The following MCPH1 variants were observed in gnomAD, a reference collection of about 807,000 sequenced individuals.
MCPH1 encodes the protein microcephalin.
Under a neutral mutation model 84.5 loss-of-function variants are expected in MCPH1, and 104 were observed. The observed-to-expected ratio is 1.23, with a 90% confidence interval of 1.05 to 1.45. MCPH1 has a LOEUF of 1.45. MCPH1 is among the 40% of genes most tolerant of loss of function. The probability of loss-of-function intolerance (pLI) is 0.00; values close to 1 mark genes in which losing one functional copy is unlikely to be tolerated. For missense variants in MCPH1, 1,498 were observed against 1,005.7 expected, an observed-to-expected ratio of 1.49 and a Z score of -6.62; for synonymous variants, 514 against 366.8, an observed-to-expected ratio of 1.40 and a Z score of -4.58.
chr8:6,585,850 A>G (rs1350154151), intron 12 of MCPH1, among the ~76,000 whole-genome samples: 1 of 152,186 alleles, frequency 6.6e-6, no homozygotes, highest in East Asian at 1.9e-4. Context: ...ATTGCACGGA[A>G]GCTGGCCAAC....
Position 6,551,560 on chromosome 8 carries a change from T to G in MCPH1, c.2214+51631T>G, listed in dbSNP as rs577363120. On this transcript the variant is annotated intron_variant, in intron 12 of 13. Coordinates refer to ENST00000344683, the MANE Select transcript of MCPH1 (RefSeq NM_024596.5). The stretch of plus-strand genomic sequence containing the variant: ...GGCTGGTGTTCTGATTAGTCTTAAT[T>G]TTTTTTAACTCATAACATTTTTGTC... 5.9e-5 allele frequency among the ~76,000 whole-genome samples: 9 copies of G among 152,276 alleles called. No individual in the cohort carries two copies. In the South Asian group the frequency reaches 1.9e-3, roughly 32 times the overall value.
intron 11 of MCPH1, chr8:6,494,224 C>T (rs189362617): frequency 4.7e-4 from 71 of 152,338 alleles, no homozygotes; most frequent in African/African-American, 1.5e-3. Context: ...CAGATGTGAG[C>T]CACTGCATCC....
At chr8:6,479,125 A>T (rs1409352134) in intron 10 of MCPH1, among the ~76,000 whole-genome samples, 1 of 152,134 alleles carries the variant, frequency 6.6e-6, no homozygotes, top group African/African-American at 2.4e-5. Flanking sequence ...AGTTAGCCAG[A>T]CTTGGTGGTG....
chr8:6,501,553 C>CTTTTTTTT (rs761570329), intron 12 of MCPH1: 3 of 128,048 alleles, frequency 2.3e-5, no homozygotes, highest in Non-Finnish European at 3.4e-5. Flanking sequence ...TCTTTTCTTT[C>CTTTTTTTT]TTTTTTTTTT....
At chr8:6,589,956 G>A (rs373899435) in intron 12 of MCPH1, among the ~76,000 whole-genome samples, 2 of 152,182 alleles carry the variant, frequency 1.3e-5, no homozygotes, top group Admixed American at 6.5e-5. Context: ...TTACTCTAAA[G>A]TATCTAAAAG....
Position 6,429,010 on chromosome 8 carries a change from C to T in MCPH1, c.234-2489C>T, listed in dbSNP as rs139592879. On this transcript the variant is annotated intron_variant, in intron 3 of 13. Transcript: ENST00000344683. ...GGAAGTGAGAATTTCGTTTTTAATC[C>T]GCCCCTCTGAGTGCACCTCACTCCC... Among the ~76,000 whole-genome samples the T allele has an allele frequency of 5.1e-4, 78 of 152,232 alleles. 1 individual carries two copies. Among genetic ancestry groups the T allele is most frequent in the African/African-American group, 7.5e-4 (31 of 41,536 alleles).
Position 6,577,894 on chromosome 8 carries a change from C to T in MCPH1, c.2215-43560C>T, listed in dbSNP as rs116010982. On this transcript the variant is annotated intron_variant, in intron 12 of 13. Coordinates refer to ENST00000344683, the MANE Select transcript of MCPH1 (RefSeq NM_024596.5). ...TTAATCCAGAATTTATGTCTTCCTC[C>T]GCCTCCGGAGTAGCTCTAGAAAGGT... 2.4e-3 allele frequency among the ~76,000 whole-genome samples: 360 copies of T among 152,288 alleles called. 2 individuals carry two copies. Among genetic ancestry groups the T allele is most frequent in the African/African-American group, 8.3e-3 (344 of 41,562 alleles).
intron 12 of MCPH1, among the ~76,000 whole-genome samples, chr8:6,572,790 T>G (rs1365631538): frequency 6.6e-6 from 1 of 152,230 alleles, no homozygotes; most frequent in Non-Finnish European, 1.5e-5. Context: ...GGTGAACAGA[T>G]GTCCCATCTG....
At chr8:6,529,593 T>A (rs1819057723) in intron 12 of MCPH1, among the ~76,000 whole-genome samples, 1 of 151,122 alleles carries the variant, frequency 6.6e-6, no homozygotes, top group Non-Finnish European at 1.5e-5. Flanking sequence ...AGTAACTGGG[T>A]CTATAAGTGC....
At chr8:6,556,179 A>G (rs1305153898) in intron 12 of MCPH1, among the ~76,000 whole-genome samples, 1 of 152,162 alleles carries the variant, frequency 6.6e-6, no homozygotes, top group Non-Finnish European at 1.5e-5. Flanking sequence ...ACAAATTGTT[A>G]AAGAGGTAAT....
At position 6,621,477 on chromosome 8, in the gene MCPH1, G is replaced by C. The variant is rs1225196944; in HGVS notation, c.2238G>C (p.Leu746Phe). ...AAPLCRSECHLSAGPYRGTLF... is the reference protein window; with the variant it reads ...AAPLCRSECHFSAGPYRGTLF... ...AGCTGTGCCGAAGCGAGTGCCACTT[G>C]TCTGCAGGGCCGTACCGCGGAACCC... The change falls in exon 13 of 14, where the codon TTG becomes TTC. Residue 746 changes from leucine to phenylalanine, a missense_variant. Coordinates refer to ENST00000344683, the MANE Select transcript of MCPH1 (RefSeq NM_024596.5). The C allele has an allele frequency of 6.2e-7, 1 of 1,614,090 alleles. No individual in the cohort carries two copies. The highest frequency in any genetic ancestry group is 8.5e-7 in the Non-Finnish European group (1 of 1,180,024).
intron 11 of MCPH1, among the ~76,000 whole-genome samples, chr8:6,495,875 G>A (rs1246182515): frequency 1.3e-5 from 2 of 152,192 alleles, no homozygotes; most frequent in Non-Finnish European, 2.9e-5. Flanking sequence ...GCTTACGACT[G>A]TGGGACAAGT....
intron 3 of MCPH1, among the ~76,000 whole-genome samples, chr8:6,421,889 C>T (rs886541460): frequency 2.6e-5 from 4 of 152,218 alleles, no homozygotes; most frequent in Admixed American, 1.3e-4. Context: ...TACACTCTTT[C>T]TGCCTTTAGT....
intron 8 of MCPH1, among the ~76,000 whole-genome samples, chr8:6,449,304 G>A (rs541586121): frequency 6.1e-4 from 93 of 152,222 alleles, no homozygotes; most frequent in African/African-American, 2.2e-3. Context: ...AAAATAGGTG[G>A]AAGCTCCTCA....
At chr8:6,536,040 G>C (rs1280198847) in intron 12 of MCPH1, among the ~76,000 whole-genome samples, 1 of 152,114 alleles carries the variant, frequency 6.6e-6, no homozygotes, top group Non-Finnish European at 1.5e-5. Context: ...TTGGGCGACA[G>C]AGTGAGACCT....
intron 12 of MCPH1, chr8:6,616,817 C>T (rs1053601667): frequency 3.3e-5 from 5 of 152,252 alleles, no homozygotes; most frequent in African/African-American, 1.2e-4. Context: ...GGCCACTTAA[C>T]CCTGGAGCAG....
chr8:6,453,026 A>G (rs1053703241), intron 8 of MCPH1, among the ~76,000 whole-genome samples: 1 of 152,174 alleles, frequency 6.6e-6, no homozygotes, highest in African/African-American at 2.4e-5. Context: ...TCAGTAATGG[A>G]CGACTTTATG....
chr8:6,582,242 T>C (rs1827619518), intron 12 of MCPH1, among the ~76,000 whole-genome samples: 1 of 152,224 alleles, frequency 6.6e-6, no homozygotes, highest in Non-Finnish European at 1.5e-5. Context: ...AATTACGCCT[T>C]GCATACACAA....
At chr8:6,535,336 A>C (rs900068164) in intron 12 of MCPH1, among the ~76,000 whole-genome samples, 1 of 152,264 alleles carries the variant, frequency 6.6e-6, no homozygotes, top group Non-Finnish European at 1.5e-5. Flanking sequence ...ATTTGAAATT[A>C]AACTTAGGAA....
Sources: gnomAD v4.1 joint callset for allele counts (sites outside exome capture counted in the v4.1 genomes callset) on GRCh38, gnomAD v4.1.1 for gene constraint, MANE v1.5 for transcripts, NCBI Gene and HGNC (gene_info 2026-07-23, HGNC 2026-07-21) for gene names.